Variants in TNNI3K observed in about 807,000 individuals in gnomAD.
TNNI3K encodes TNNI3 interacting kinase, also known as serine/threonine-protein kinase TNNI3K.
A neutral mutation model predicts 114.5 loss-of-function variants in TNNI3K; 140 were observed. The ratio of observed to expected loss-of-function variants is 1.22; its 90% CI spans 1.07 to 1.41. The LOEUF is 1.41. TNNI3K is among the 40% of genes most tolerant of loss of function. The pLI is 0.00. For missense variants in TNNI3K, 1,125 were observed against 1,007.6 expected, an observed-to-expected ratio of 1.12 and a Z score of -1.58; for synonymous variants, 347 against 347.5, an observed-to-expected ratio of 1.00 and a Z score of 0.02.
At chr1:74,501,063 C>G (rs1432321234) in intron 23 of TNNI3K, among the ~76,000 whole-genome samples, 1 of 152,074 alleles carries the variant, frequency 6.6e-6, no homozygotes, top group Non-Finnish European at 1.5e-5. Context: ...TTCTTTATTA[C>G]TTCTTCTTTA....
intron 17 of TNNI3K, among the ~76,000 whole-genome samples, chr1:74,405,016 A>C (rs1664549108): frequency 6.6e-6 from 1 of 152,216 alleles, no homozygotes; most frequent in Non-Finnish European, 1.5e-5. Context: ...TAAAAAAAGA[A>C]AGACCATTGA....
intron 7 of TNNI3K, among the ~76,000 whole-genome samples, chr1:74,342,627 A>C (rs1349592975): frequency 1.3e-5 from 2 of 152,178 alleles, no homozygotes; most frequent in Non-Finnish European, 2.9e-5. Flanking sequence ...GAATTTATGG[A>C]AGCTAGAAGG....
intron 20 of TNNI3K, among the ~76,000 whole-genome samples, chr1:74,443,274 T>C (rs1481677873): frequency 6.6e-6 from 1 of 151,648 alleles, no homozygotes; most frequent in Non-Finnish European, 1.5e-5. Context: ...GCTAGACCAA[T>C]AAAGAAGAAA....
chr1:74,474,775 C>T (rs1668108251), intron 21 of TNNI3K, among the ~76,000 whole-genome samples: 1 of 152,082 alleles, frequency 6.6e-6, no homozygotes, highest in Non-Finnish European at 1.5e-5. Context: ...TCCTGACTTT[C>T]CCTGGACTGG....
At chr1:74,410,301 A>C (rs2100610268) in intron 17 of TNNI3K, among the ~76,000 whole-genome samples, 1 of 152,278 alleles carries the variant, frequency 6.6e-6, no homozygotes, top group African/African-American at 2.4e-5. Flanking sequence ...CTGGAACTTT[A>C]GCTGTCCCAA....
chr1:74,370,161 C>T (rs1662518387), intron 16 of TNNI3K, 127 bp from the exon 17 acceptor site: 1 of 711,182 alleles, frequency 1.4e-6, no homozygotes, highest in Admixed American at 3.7e-5. Flanking sequence ...TGTTGAATTT[C>T]TAGCTTAACC....
chr1:74,254,677 T>C (rs1307430085), intron 4 of TNNI3K, among the ~76,000 whole-genome samples: 1 of 152,116 alleles, frequency 6.6e-6, no homozygotes, highest in East Asian at 1.9e-4. Flanking sequence ...GCCTGACTCA[T>C]TGTTAGAGGA....
At chr1:74,295,524 C>G (rs1256307107) in intron 5 of TNNI3K, among the ~76,000 whole-genome samples, 2 of 151,994 alleles carry the variant, frequency 1.3e-5, no homozygotes, top group African/African-American at 4.8e-5. Flanking sequence ...TATTTTAAGC[C>G]TATAGTAATA....
intron 4 of TNNI3K, among the ~76,000 whole-genome samples, chr1:74,254,352 A>C (rs578057377): frequency 6.6e-6 from 1 of 152,294 alleles, no homozygotes; most frequent in South Asian, 2.1e-4. Context: ...AGTTTTATCA[A>C]TTGTCCCAAT....
intron 23 of TNNI3K, among the ~76,000 whole-genome samples, chr1:74,524,429 A>C (rs1045103247): frequency 6.6e-6 from 1 of 152,198 alleles, no homozygotes; most frequent in Non-Finnish European, 1.5e-5. Flanking sequence ...CTGTGGCCAC[A>C]GCTAGAGTAT....
chr1:74,289,369 A>G (rs1657528712), intron 5 of TNNI3K, among the ~76,000 whole-genome samples: 2 of 151,996 alleles, frequency 1.3e-5, no homozygotes, highest in South Asian at 4.1e-4. Context: ...CATTTAAAGT[A>G]TAAAAAAAGA....
chr1:74,339,442 A>G lies in TNNI3K; in HGVS notation c.682+3293A>G, dbSNP rs565754819. ...TATTATTAGTTAGTTCACTTATTCT[A>G]AAATGTAGCTAAGCCTCCAAATGAT... is the stretch of plus-strand genomic sequence containing the variant. On this transcript the variant is annotated intron_variant, in intron 7 of 24. Coordinates refer to ENST00000326637, the MANE Select transcript of TNNI3K (RefSeq NM_015978.3). Among the ~76,000 whole-genome samples the G allele has an allele frequency of 3.3e-5, 5 of 152,212 alleles. No individual in the cohort carries two copies. The East Asian group carries it at 7.7e-4, about 23-fold the overall frequency.
chr1:74,402,567 C>T (rs1261119909), intron 17 of TNNI3K, among the ~76,000 whole-genome samples: 1 of 152,162 alleles, frequency 6.6e-6, no homozygotes, highest in Non-Finnish European at 1.5e-5. Flanking sequence ...ATTTTTAACT[C>T]TATATATGTA....
At chr1:74,389,777 T>A (rs1663671261) in intron 17 of TNNI3K, among the ~76,000 whole-genome samples, 1 of 152,160 alleles carries the variant, frequency 6.6e-6, no homozygotes, top group Non-Finnish European at 1.5e-5. Flanking sequence ...TGGAAAGGGC[T>A]AGATGTAAAT....
intron 17 of TNNI3K, among the ~76,000 whole-genome samples, chr1:74,431,506 C>T (rs2100654388): frequency 6.6e-6 from 1 of 152,204 alleles, no homozygotes; most frequent in Admixed American, 6.5e-5. Flanking sequence ...CAATTTCTAG[C>T]ACAGAACTTA....
At chr1:74,411,436 A>T (rs1474634792) in intron 17 of TNNI3K, among the ~76,000 whole-genome samples, 2 of 152,146 alleles carry the variant, frequency 1.3e-5, no homozygotes, top group Non-Finnish European at 2.9e-5. Flanking sequence ...TTATATACAA[A>T]TGCAGCCAAA....
intron 5 of TNNI3K, among the ~76,000 whole-genome samples, chr1:74,324,368 A>G (rs1456003986): frequency 6.6e-5 from 10 of 152,250 alleles, no homozygotes; most frequent in Admixed American, 6.5e-4. Context: ...ATGAAATAAC[A>G]GAAGCTGTCA....
chr1:74,465,769 TA>T (rs2100726792), intron 21 of TNNI3K, among the ~76,000 whole-genome samples: 1 of 152,228 alleles, frequency 6.6e-6, no homozygotes, highest in Non-Finnish European at 1.5e-5. Context: ...TAGAGGGTTG[TA>T]AATGCACCAA....
intron 4 of TNNI3K, among the ~76,000 whole-genome samples, chr1:74,264,934 GGTAA>G (rs1013325503): frequency 1.3e-5 from 2 of 151,864 alleles, no homozygotes; most frequent in Non-Finnish European, 2.9e-5. Flanking sequence ...AATCTTGTAA[GGTAA>G]GTAAGGTAGG....
Sources: allele counts gnomAD v4.1 joint callset (sites outside exome capture counted in the v4.1 genomes callset), GRCh38; gene constraint gnomAD v4.1.1; transcripts MANE v1.5; gene names NCBI Gene and HGNC (gene_info 2026-07-23, HGNC 2026-07-21).